Variants in INSC observed in about 807,000 individuals in gnomAD.
INSC encodes the protein protein inscuteable homolog.
In INSC, 67 loss-of-function variants were observed where a neutral mutation model predicts 58.6. The observed-to-expected ratio is 1.14, with a 90% CI of 0.94 to 1.40. The LOEUF (loss-of-function observed/expected upper bound fraction) is 1.40. Ranked by LOEUF, INSC falls within the 40% of genes most tolerant of loss-of-function variation. The probability of loss-of-function intolerance (pLI) is 0.00; values close to 1 mark genes in which losing one functional copy is unlikely to be tolerated. For synonymous variants in INSC, 262 were observed against 276.1 expected (o/e 0.95, Z 0.51); for missense variants, 714 against 692.0 (o/e 1.03, Z -0.36).
At chr11:15,251,103 C>G (rs183331463), downstream of INSC, among the ~76,000 whole-genome samples, 1 of 152,274 alleles carries the variant, frequency 6.6e-6, no homozygotes, top group Non-Finnish European at 1.5e-5. Flanking sequence ...AGACCAGCAG[C>G]CTCAAAACTA....
chr11:15,114,134 G>A (rs1047831220), upstream of INSC, among the ~76,000 whole-genome samples: 2 of 151,420 alleles, frequency 1.3e-5, no homozygotes, highest in Non-Finnish European at 2.9e-5. Flanking sequence ...GGGGGAGGGG[G>A]AGTTGTATGA....
intron 9 of INSC, among the ~76,000 whole-genome samples, chr11:15,229,379 C>A (rs1851759902): frequency 6.6e-6 from 1 of 152,140 alleles, no homozygotes; most frequent in African/African-American, 2.4e-5. Context: ...ATCTCAAAAT[C>A]TCTCTATAGT....
chr11:15,171,697 T>C (rs1412275342), intron 2 of INSC, among the ~76,000 whole-genome samples: 6 of 152,206 alleles, frequency 3.9e-5, no homozygotes, highest in Admixed American at 6.5e-5. Flanking sequence ...ATCTGTGCAC[T>C]TGTGTCTTAG....
chr11:15,112,361 T>C, upstream of INSC: 1 of 907,278 alleles, frequency 1.1e-6, no homozygotes, highest in Non-Finnish European at 1.7e-6. Context: ...TTGCCTTGAG[T>C]CACAGGCCTT....
chr11:15,194,604 T>TTGAG (rs1343298252), intron 6 of INSC, among the ~76,000 whole-genome samples: 1 of 152,242 alleles, frequency 6.6e-6, no homozygotes, highest in East Asian at 1.9e-4. Context: ...TAGCTAACAT[T>TTGAG]TGAGTGTTGC....
In INSC at chr11:15,149,657, G is replaced by A. The variant is rs1388246137; in HGVS notation, c.56+427G>A. Among the ~76,000 whole-genome samples, 9 of 152,290 alleles carry A rather than the reference G, an allele frequency of 5.9e-5. No individual in the cohort carries two copies. In the East Asian group the frequency reaches 1.5e-3, roughly 26 times the overall value. The stretch of plus-strand genomic sequence containing the variant: ...TTGTTGTCCTGAGTTGGGCAATGAG[G>A]GAGGGTGGGAAAGGCACATACTGAG... On this transcript the variant is annotated intron_variant, in intron 2 of 12. Transcript: ENST00000379556.
At chr11:15,190,617 C>A in intron 5 of INSC, 84 bp from the exon 6 acceptor site, 1 of 899,314 alleles carries the variant, frequency 1.1e-6, no homozygotes, top group Non-Finnish European at 1.9e-6. Flanking sequence ...CTGTTAGGAG[C>A]ATGGGCCCAC....
the INSC span, among the ~76,000 whole-genome samples, chr11:15,255,450 C>A: frequency 1.3e-5 from 2 of 152,128 alleles, no homozygotes; most frequent in Admixed American, 6.6e-5. Flanking sequence ...AATAACTACT[C>A]CTTATTCTAG....
chr11:15,149,774 C>T (rs1848592258), intron 2 of INSC, among the ~76,000 whole-genome samples: 1 of 152,212 alleles, frequency 6.6e-6, no homozygotes, highest in African/African-American at 2.4e-5. Context: ...GGTGCCTCCA[C>T]ACAGCTGGAA....
chr11:15,175,751 A>C lies in INSC; in HGVS notation c.67A>C (p.Met23Leu), dbSNP rs201557536. 21 of 1,560,496 alleles carry C rather than the reference A, an allele frequency of 1.3e-5. No homozygotes were observed. In the Admixed American group the frequency reaches 3.5e-4, roughly 26 times the overall value. The change falls in exon 3 of 13, where the codon ATG becomes CTG. Residue 23 changes from methionine (M) to leucine (L), a missense_variant. Met to Leu is a conservative substitution (Grantham distance 15, BLOSUM62 2). Transcript: ENST00000379556. ...VTLPGQRLHL[M>L]QVDSVQRWME... is the part of the protein sequence containing the mutation. ...GTTTCCTGGTTGCAGGCTACACCTG[A>C]TGCAGGTGGACTCAGTCCAGCGCTG...
chr11:15,206,910 T>TC (rs1242237734), intron 7 of INSC, among the ~76,000 whole-genome samples: 1 of 152,198 alleles, frequency 6.6e-6, no homozygotes, highest in African/African-American at 2.4e-5. Context: ...TCTCTACTTT[T>TC]CCAGGCTGGT....
At chr11:15,239,973 A>T (rs972921499) in intron 11 of INSC, among the ~76,000 whole-genome samples, 2 of 152,236 alleles carry the variant, frequency 1.3e-5, no homozygotes, top group African/African-American at 4.8e-5. Flanking sequence ...ATGGACACAC[A>T]GACTGCATTT....
At chr11:15,211,163 G>A (rs1246255539) in intron 7 of INSC, among the ~76,000 whole-genome samples, 1 of 152,196 alleles carries the variant, frequency 6.6e-6, no homozygotes, top group Non-Finnish European at 1.5e-5. Flanking sequence ...TTCTCTCTTT[G>A]GGCTACTTCA....
chr11:15,204,187 A>G (rs1176862690), intron 7 of INSC, among the ~76,000 whole-genome samples: 1 of 152,228 alleles, frequency 6.6e-6, no homozygotes, highest in Non-Finnish European at 1.5e-5. Flanking sequence ...CCTTTCATCA[A>G]GTCATTTATT....
At chr11:15,260,407 A>G in the INSC span, among the ~76,000 whole-genome samples, 3 of 152,176 alleles carry the variant, frequency 2.0e-5, no homozygotes, top group Non-Finnish European at 4.4e-5. Flanking sequence ...TTTTGATGTC[A>G]TAAGACAGAA....
At chr11:15,238,269 A>T (rs1714330) in intron 10 of INSC, among the ~76,000 whole-genome samples, 151,550 of 152,264 alleles carry the variant, frequency 1, 75,425 homozygotes, top group Middle Eastern at 1. Context: ...TCGGTTGAAA[A>T]CTCTCAGTCT....
At chr11:15,201,740 T>C (rs1441725351) in intron 7 of INSC, among the ~76,000 whole-genome samples, 4 of 152,134 alleles carry the variant, frequency 2.6e-5, no homozygotes, top group Admixed American at 6.5e-5. Flanking sequence ...AAAATTCTTA[T>C]AGAAAAGTGG....
chr11:15,122,495 G>A lies in INSC; in HGVS notation c.-46+7492G>A, dbSNP rs1221996555. On this transcript the variant is annotated intron_variant, in intron 1 of 12. Transcript: ENST00000379556. ...GCCTCAAAGGCCTCTCAAACTCAAT[G>A]TGTCCAAAACAGAATTTCTGTAGTT... Among the ~76,000 whole-genome samples, 5 of 152,280 alleles carry A rather than the reference G, an allele frequency of 3.3e-5. No individual in the cohort carries two copies. In the East Asian group the frequency reaches 9.6e-4, roughly 29 times the overall value.
At chr11:15,118,156 G>A (rs966788071) in intron 1 of INSC, among the ~76,000 whole-genome samples, 1 of 152,224 alleles carries the variant, frequency 6.6e-6, no homozygotes, top group South Asian at 2.1e-4. Context: ...TGGAGCTTGG[G>A]ATGGGGAGCT....
Sources: allele counts gnomAD v4.1 joint callset (sites outside exome capture counted in the v4.1 genomes callset), GRCh38; gene constraint gnomAD v4.1.1; transcripts MANE v1.5; gene names NCBI Gene and HGNC (gene_info 2026-07-23, HGNC 2026-07-21).